The following SGIP1 variants were observed in gnomAD, a reference collection of about 807,000 sequenced individuals.
The protein encoded by SGIP1 is SH3-containing GRB2-like protein 3-interacting protein 1.
SGIP1 carries 38 observed loss-of-function variants against 107.5 expected under a neutral mutation model. That is an observed-to-expected ratio of 0.35 (90% CI 0.27 to 0.46). The LOEUF is 0.46. SGIP1 is among the 20% of genes least tolerant of loss of function. The pLI is 1.00. For missense variants in SGIP1, 929 were observed against 1,019.5 expected (o/e 0.91, Z 1.21); for synonymous variants, 365 against 366.1 (o/e 1.00, Z 0.03).
intron 1 of SGIP1, among the ~76,000 whole-genome samples, chr1:66,586,400 G>A (rs1000420046): frequency 4.0e-5 from 6 of 151,876 alleles, no homozygotes; most frequent in East Asian, 1.9e-4. Flanking sequence ...CCTCATTTCC[G>A]TTTTCTCTTT....
chr1:66,709,134 A>G (rs2150323358), intron 18 of SGIP1, among the ~76,000 whole-genome samples: 1 of 152,218 alleles, frequency 6.6e-6, no homozygotes, highest in African/African-American at 2.4e-5. Flanking sequence ...TGTACCCATC[A>G]ACCCATCATC....
intron 7 of SGIP1, among the ~76,000 whole-genome samples, chr1:66,659,950 A>AAGAAAAAAAGAAAG (rs752459188): frequency 2.3e-5 from 1 of 43,038 alleles, no homozygotes; most frequent in Non-Finnish European, 3.6e-5. Flanking sequence ...AAAAGAAAGA[A>AAGAAAAAAAGAAAG]AAAGAAAGAA....
chr1:66,733,354 C>T (rs2094102668), intron 20 of SGIP1, among the ~76,000 whole-genome samples: 1 of 152,098 alleles, frequency 6.6e-6, no homozygotes, highest in Non-Finnish European at 1.5e-5. Context: ...CAAAGTAATT[C>T]AAAAGTAAAT....
At chr1:66,676,866 C>A in intron 12 of SGIP1, 138 bp from the exon 13 acceptor site, 1 of 649,656 alleles carries the variant, frequency 1.5e-6, no homozygotes, top group Non-Finnish European at 2.7e-6. Flanking sequence ...AGGAGCAGCA[C>A]ATTCCTAAGT....
chr1:66,705,812 T>G (rs113918586), intron 18 of SGIP1, among the ~76,000 whole-genome samples: 3,023 of 151,798 alleles, frequency 0.02, 98 homozygotes, highest in African/African-American at 0.069. Context: ...TAAGTAGGAG[T>G]TGAACAATGA....
intron 1 of SGIP1, among the ~76,000 whole-genome samples, chr1:66,573,552 T>A (rs4655497): frequency 0.17 from 26,108 of 152,132 alleles, 2,672 homozygotes; most frequent in East Asian, 0.45. Flanking sequence ...AGGTGGTACA[T>A]ATACACTATT....
intron 1 of SGIP1, among the ~76,000 whole-genome samples, chr1:66,593,804 A>G (rs986685488): frequency 2.0e-5 from 3 of 152,140 alleles, no homozygotes; most frequent in Admixed American, 1.3e-4. Context: ...GCTGCGGCCC[A>G]TTTCGGGTCC....
At chr1:66,628,640 A>T (rs1024643206) in intron 2 of SGIP1, 1 of 154,026 alleles carries the variant, frequency 6.5e-6, no homozygotes, top group African/African-American at 2.4e-5. Context: ...TTGGAATGGA[A>T]AAAAGCTTTC....
At chr1:66,551,046 C>T (rs946632666) in intron 1 of SGIP1, among the ~76,000 whole-genome samples, 1 of 152,114 alleles carries the variant, frequency 6.6e-6, no homozygotes, top group Non-Finnish European at 1.5e-5. Context: ...TGCTTACCTA[C>T]TGTTCCTATT....
At chr1:66,666,403 T>C in intron 8 of SGIP1, 1 of 175,834 alleles carries the variant, frequency 5.7e-6, no homozygotes, top group South Asian at 1.1e-4. Context: ...AGTCAGGCAG[T>C]GTGATGCCTC....
At chr1:66,623,895 A>G (rs1242889689) in intron 1 of SGIP1, among the ~76,000 whole-genome samples, 2 of 152,332 alleles carry the variant, frequency 1.3e-5, no homozygotes, top group South Asian at 2.1e-4. Context: ...TGGACAACAC[A>G]TGATGTTCAT....
Position 66,729,255 on chromosome 1 carries a change from A to C in SGIP1, c.1743-9A>C. On this transcript the variant is annotated splice_polypyrimidine_tract_variant and intron_variant, in intron 19 of 24. Transcript: ENST00000371037. ...CTCTCTCTTTCCTCTCTGTGTTTTG[A>C]TATGCCAGATGTATCGTTAAGATTA... The C allele has an allele frequency of 6.2e-7, 1 of 1,613,674 alleles. No individual in the cohort carries two copies. The highest frequency in any genetic ancestry group is 2.2e-5 in the East Asian group (1 of 44,878).
At chr1:66,553,240 G>C (rs2057696339) in intron 1 of SGIP1, among the ~76,000 whole-genome samples, 1 of 152,094 alleles carries the variant, frequency 6.6e-6, no homozygotes, top group African/African-American at 2.4e-5. Context: ...TGCATGCGGG[G>C]AACAGAGACA....
chr1:66,600,706 G>A (rs994642289), intron 1 of SGIP1, among the ~76,000 whole-genome samples: 4 of 152,290 alleles, frequency 2.6e-5, no homozygotes, highest in South Asian at 2.1e-4. Context: ...AGTAAAGCCA[G>A]TGGGTAGATT....
At chr1:66,564,947 C>T (rs573615231) in intron 1 of SGIP1, among the ~76,000 whole-genome samples, 3 of 151,894 alleles carry the variant, frequency 2.0e-5, no homozygotes, top group African/African-American at 7.2e-5. Context: ...TTACAATAAC[C>T]CTGTGGGGCT....
chr1:66,612,497 T>C (rs562285131), intron 1 of SGIP1, among the ~76,000 whole-genome samples: 7 of 152,260 alleles, frequency 4.6e-5, no homozygotes, highest in Non-Finnish European at 8.8e-5. Flanking sequence ...TGGGTTGGAC[T>C]CTTTACTTTT....
intron 1 of SGIP1, among the ~76,000 whole-genome samples, chr1:66,611,690 C>A (rs1028491922): frequency 7.9e-5 from 12 of 152,056 alleles, no homozygotes; most frequent in Non-Finnish European, 4.4e-5. Context: ...GTGAACAGAT[C>A]GGATGGACAC....
At chr1:66,589,163 C>CATATATATATATAT (rs55788345) in intron 1 of SGIP1, among the ~76,000 whole-genome samples, 1 of 69,836 alleles carries the variant, frequency 1.4e-5, no homozygotes, top group African/African-American at 5.1e-5. Context: ...TAAAAGTTTA[C>CATATATATATATAT]ATATATATAT....
chr1:66,564,558 G>A (rs987386958), intron 1 of SGIP1, among the ~76,000 whole-genome samples: 7 of 151,954 alleles, frequency 4.6e-5, no homozygotes, highest in Non-Finnish European at 8.8e-5. Context: ...TAGTTAGGAT[G>A]TCTGTGTCAT....
Sources: gnomAD v4.1 joint callset for allele counts (sites outside exome capture counted in the v4.1 genomes callset) on GRCh38, gnomAD v4.1.1 for gene constraint, MANE v1.5 for transcripts, NCBI Gene and HGNC (gene_info 2026-07-23, HGNC 2026-07-21) for gene names.